The following PI4KA variants were observed in gnomAD, a reference collection of about 807,000 sequenced individuals.
PI4KA encodes the protein PI4-kinase alpha.
A neutral mutation model predicts 271.4 loss-of-function variants in PI4KA; 122 were observed. The ratio of observed to expected loss-of-function variants is 0.45; its 90% CI spans 0.39 to 0.52. The LOEUF is 0.52. Ranked by LOEUF, PI4KA falls within the 20% of genes least tolerant of loss-of-function variation. The pLI is 0.00. For synonymous variants in PI4KA, 1,041 were observed against 1,078.8 expected (o/e 0.96, Z 0.69); for missense variants, 1,969 against 2,769.1 (o/e 0.71, Z 6.48).
rs1058539 is a variant in PI4KA, at chr22:20,707,885, G to C, written c.*162C>G. 4.6e-5 allele frequency: 35 copies of C among 753,862 alleles called. No homozygotes were observed. The highest frequency in any genetic ancestry group is 2.4e-4 in the African/African-American group (14 of 58,344). 46.7% of individuals were successfully genotyped at this position (753,862 alleles called of 1,614,324 possible). A position where few individuals can be genotyped will look rare whatever the true frequency, so the allele number is the denominator to read the frequency against. ...CGCTGCAGTCCATGGCGTTACCAAGGCTGCGCCACCCACGTGCTGCCCCAG... is the reference window on the plus strand; with the variant it reads ...CGCTGCAGTCCATGGCGTTACCAAGCCTGCGCCACCCACGTGCTGCCCCAG... On this transcript the variant is annotated 3_prime_UTR_variant, in exon 55 of 55. Transcript: ENST00000255882.
intron 14 of PI4KA, among the ~76,000 whole-genome samples, chr22:20,800,929 T>C (rs576813766): frequency 3.0e-4 from 44 of 148,834 alleles, no homozygotes; most frequent in South Asian, 2.0e-3. Flanking sequence ...TTGCTCTTGT[T>C]GCCCAGGCTG....
chr22:20,832,620 AT>A (rs1924340940), intron 3 of PI4KA, among the ~76,000 whole-genome samples: 2 of 151,624 alleles, frequency 1.3e-5, no homozygotes, highest in African/African-American at 2.4e-5. Context: ...CACCTGGCTA[AT>A]TTTTTGTATT....
At chr22:20,792,406 C>T (rs1934701190) in intron 19 of PI4KA, among the ~76,000 whole-genome samples, 1 of 152,262 alleles carries the variant, frequency 6.6e-6, no homozygotes, top group South Asian at 2.1e-4. Flanking sequence ...TGCCACCAGG[C>T]CCACCCCTCT....
intron 3 of PI4KA, among the ~76,000 whole-genome samples, chr22:20,832,359 C>A (rs369697132): frequency 8.1e-4 from 124 of 152,190 alleles, no homozygotes; most frequent in Non-Finnish European, 1.6e-3. Context: ...TTGTGATCCA[C>A]CTGCCTTGGC....
chr22:20,823,850 A>T (rs1450650930), intron 4 of PI4KA, among the ~76,000 whole-genome samples: 1 of 152,090 alleles, frequency 6.6e-6, no homozygotes, highest in African/African-American at 2.4e-5. Context: ...CTTAGGAGGG[A>T]GGCTGGCTTG....
chr22:20,836,237 C>T (rs547171390), intron 2 of PI4KA, among the ~76,000 whole-genome samples: 2 of 152,190 alleles, frequency 1.3e-5, no homozygotes, highest in South Asian at 2.1e-4. Context: ...CCACCCCAAC[C>T]GATGCTAAAT....
chr22:20,752,740 G>A (rs541347313), intron 25 of PI4KA, among the ~76,000 whole-genome samples, 163 bp downstream of exon 25: 2 of 152,284 alleles, frequency 1.3e-5, no homozygotes, highest in Non-Finnish European at 2.9e-5. Context: ...AGACTCTGCA[G>A]GAAACTCACA....
intron 3 of PI4KA, among the ~76,000 whole-genome samples, chr22:20,825,069 C>CAAAAAAAAAAAA (rs362248): frequency 1.6e-4 from 12 of 76,754 alleles, no homozygotes; most frequent in Admixed American, 7.7e-4. Context: ...GACGCCATCT[C>CAAAAAAAAAAAA]AAAAAAAAAA....
chr22:20,709,514 T>C (rs1924971609), intron 53 of PI4KA, 135 bp from the exon 54 acceptor site: 1 of 681,508 alleles, frequency 1.5e-6, no homozygotes. Context: ...GGGGTCCACA[T>C]GTTGGAAGAT....
chr22:20,801,905 C>A, intron 14 of PI4KA, 68 bp downstream of exon 14: 4 of 1,544,662 alleles, frequency 2.6e-6, no homozygotes, highest in South Asian at 1.1e-5. Flanking sequence ...GTATAAATGT[C>A]TCTTATTTTG....
At chr22:20,770,253 C>T (rs527454783) in intron 19 of PI4KA, among the ~76,000 whole-genome samples, 1 of 151,602 alleles carries the variant, frequency 6.6e-6, no homozygotes, top group South Asian at 2.1e-4. Context: ...TGGCTCATGC[C>T]TGTAATCCTA....
chr22:20,713,236 A>G, intron 48 of PI4KA, 45 bp downstream of exon 48: 1 of 1,359,090 alleles, frequency 7.4e-7, no homozygotes, highest in South Asian at 1.2e-5. Flanking sequence ...CTTGGGGAGC[A>G]GCAAGCCCAG....
intron 19 of PI4KA, chr22:20,787,136 CAG>C: frequency 1.5e-6 from 2 of 1,357,306 alleles, no homozygotes; most frequent in South Asian, 1.2e-5. Flanking sequence ...ACAACGAGAA[CAG>C]AGATGTTCTG....
In PI4KA at chr22:20,734,467, G is replaced by A; in HGVS notation, c.3828C>T (p.Pro1276=). Residue 1276 remains proline, a synonymous_variant, in exon 33 of 55, where the codon CCC becomes CCT. Coordinates refer to ENST00000255882, the MANE Select transcript of PI4KA (RefSeq NM_058004.4). ...GTTGACTTGCTTCCGAGGCAGCCAG[G>A]GGGTCTGCTTCCTTTATCTCAGCAG... ...LFSAEIKEAD[P]LAASEASQPK... The A allele has an allele frequency of 1.2e-6, 2 of 1,613,536 alleles. No homozygotes were observed. The highest frequency in any genetic ancestry group is 1.3e-5 in the African/African-American group (1 of 74,864).
intron 36 of PI4KA, among the ~76,000 whole-genome samples, chr22:20,732,222 A>T (rs1412964154): frequency 2.0e-5 from 3 of 151,508 alleles, no homozygotes; most frequent in Non-Finnish European, 4.4e-5. Context: ...AATAAATAAA[A>T]TTAAAAAATT....
chr22:20,838,447 T>A (rs1176902722), intron 2 of PI4KA, among the ~76,000 whole-genome samples, 168 bp downstream of exon 2: 1 of 152,228 alleles, frequency 6.6e-6, no homozygotes, highest in African/African-American at 2.4e-5. Context: ...AAGGTTTACA[T>A]TAGGAAGTTT....
chr22:20,709,124 CCCCCTAAA>C (rs1308172062), intron 54 of PI4KA, among the ~76,000 whole-genome samples, 164 bp downstream of exon 54: 1 of 151,806 alleles, frequency 6.6e-6, no homozygotes, highest in African/African-American at 2.4e-5. Context: ...CACACCACAG[CCCCCTAAA>C]CCAGCACCCC....
chr22:20,728,112 T>A (rs1568960398), intron 39 of PI4KA, among the ~76,000 whole-genome samples: 1 of 152,212 alleles, frequency 6.6e-6, no homozygotes, highest in Non-Finnish European at 1.5e-5. Context: ...TGTAACTGGA[T>A]TGTTTGTAAC....
intron 26 of PI4KA, 85 bp from the exon 27 acceptor site, chr22:20,751,461 C>G (rs1042939355): frequency 1.1e-5 from 13 of 1,210,720 alleles, no homozygotes; most frequent in Non-Finnish European, 1.4e-5. Context: ...TACCCACCAC[C>G]TGTCTGTCTG....
Sources: allele counts gnomAD v4.1 joint callset (sites outside exome capture counted in the v4.1 genomes callset), GRCh38; gene constraint gnomAD v4.1.1; transcripts MANE v1.5; gene names NCBI Gene and HGNC (gene_info 2026-07-23, HGNC 2026-07-21).